HACE1: variants seen among roughly 807,000 people sequenced by gnomAD.
The protein encoded by HACE1 is HECT domain and ankyrin repeat containing E3 ubiquitin protein ligase 1, also known as E3 ubiquitin-protein ligase HACE1.
HACE1 carries 73 observed loss-of-function variants against 118.4 expected under a neutral mutation model. The ratio of observed to expected loss-of-function variants is 0.62; its 90% CI spans 0.51 to 0.75. The LOEUF (loss-of-function observed/expected upper bound fraction) is 0.75. HACE1 is among the 30% of genes least tolerant of loss of function. The pLI is 0.00. For synonymous variants in HACE1, 368 were observed against 374.8 expected (o/e 0.98, Z 0.21); for missense variants, 749 against 1,102.2 (o/e 0.68, Z 4.54).
At chr6:104,745,345 G>A (rs973936656) in intron 20 of HACE1, among the ~76,000 whole-genome samples, 1 of 152,046 alleles carries the variant, frequency 6.6e-6, no homozygotes, top group Non-Finnish European at 1.5e-5. Context: ...AAAAGAGCTT[G>A]TCCACTTCTC....
chr6:104,850,872 G>C, intron 3 of HACE1, 35 bp downstream of exon 3: 1 of 1,230,408 alleles, frequency 8.1e-7, no homozygotes, highest in African/African-American at 1.5e-5. Context: ...CCTTGCCCTA[G>C]ATCAGAGTTT....
chr6:104,736,338 G>C (rs1165529012), intron 22 of HACE1, among the ~76,000 whole-genome samples: 1 of 151,992 alleles, frequency 6.6e-6, no homozygotes, highest in Non-Finnish European at 1.5e-5. Flanking sequence ...CAGCTAGAGT[G>C]CAGTGGTGCA....
In HACE1 at chr6:104,815,085, T is replaced by G. The variant is rs1056391145; in HGVS notation, c.535-3692A>C. Among the ~76,000 whole-genome samples the G allele has an allele frequency of 4.4e-5, 6 of 137,168 alleles. 2 individuals are homozygous for G. Among genetic ancestry groups the G allele is most frequent in the Non-Finnish European group, 9.4e-5 (6 of 63,978 alleles). The allele number at this position is 137,168 out of a possible 152,430, so 90.0% of individuals were successfully genotyped here. A position where few individuals can be genotyped will look rare whatever the true frequency, so the allele number is the denominator to read the frequency against. ...TTTGGAACTGGGTAAGGGGCAGAGG[T>G]TGGAACAGTTTGGAGGGCTCTGAAG... On this transcript the variant is annotated intron_variant, in intron 6 of 23. Coordinates refer to ENST00000262903, the MANE Select transcript of HACE1 (RefSeq NM_020771.4).
intron 21 of HACE1, 22 bp from the exon 22 acceptor site, chr6:104,744,252 T>G (rs761811461): frequency 6.9e-7 from 1 of 1,449,326 alleles, no homozygotes; most frequent in Non-Finnish European, 9.7e-7. Context: ...AACAAAAAAC[T>G]TAGCTCATAT....
At chr6:104,845,623 A>T (rs373159245) in intron 4 of HACE1, 1 of 151,796 alleles carries the variant, frequency 6.6e-6, no homozygotes, top group Non-Finnish European at 1.5e-5. Context: ...GACTACAGGC[A>T]CCCGCCACCA....
At chr6:104,852,403 C>T (rs896085031) in intron 1 of HACE1, 32 bp from the exon 2 acceptor site, 2 of 1,308,392 alleles carry the variant, frequency 1.5e-6, no homozygotes, top group Non-Finnish European at 2.2e-6. Context: ...GTTCATTTAT[C>T]CCCTACTTTG....
intron 7 of HACE1, among the ~76,000 whole-genome samples, chr6:104,807,151 G>A (rs968960793): frequency 2.3e-4 from 35 of 151,800 alleles, no homozygotes; most frequent in African/African-American, 8.2e-4. Flanking sequence ...AGCCTCTGGA[G>A]TAGCTGAGAC....
At chr6:104,760,392 C>T (rs1403073508) in intron 19 of HACE1, among the ~76,000 whole-genome samples, 1 of 152,182 alleles carries the variant, frequency 6.6e-6, no homozygotes, top group Non-Finnish European at 1.5e-5. Flanking sequence ...GCTGGTTCAA[C>T]ATACACAATC....
chr6:104,767,445 C>G (rs1780133742), intron 19 of HACE1, among the ~76,000 whole-genome samples: 1 of 152,256 alleles, frequency 6.6e-6, no homozygotes, highest in South Asian at 2.1e-4. Context: ...CAAAATGCCA[C>G]AGCCTCCTCT....
chr6:104,774,502 A>T (rs1418212577), intron 17 of HACE1, among the ~76,000 whole-genome samples: 1 of 152,034 alleles, frequency 6.6e-6, no homozygotes, highest in African/African-American at 2.4e-5. Flanking sequence ...CTCCTCCCTC[A>T]GCCTACCAAG....
At chr6:104,750,244 T>C in intron 20 of HACE1, 97 bp downstream of exon 20, 1 of 1,021,704 alleles carries the variant, frequency 9.8e-7, no homozygotes, top group Non-Finnish European at 1.5e-6. Context: ...TTATACATTA[T>C]TTCATTCATC....
chr6:104,807,709 A>C (rs1382348544), intron 7 of HACE1, among the ~76,000 whole-genome samples: 5 of 152,172 alleles, frequency 3.3e-5, no homozygotes, highest in African/African-American at 9.7e-5. Flanking sequence ...AGGGGGAAAA[A>C]AAAATCAATG....
intron 6 of HACE1, among the ~76,000 whole-genome samples, chr6:104,822,602 A>T (rs561980127): frequency 2.6e-5 from 4 of 152,082 alleles, no homozygotes; most frequent in South Asian, 4.2e-4. Flanking sequence ...CACACCTGTA[A>T]TCCTAGCACT....
chr6:104,812,272 TTTTTACAAAAACATTAAAAA>T (rs1771705561), intron 6 of HACE1, among the ~76,000 whole-genome samples: 2 of 152,086 alleles, frequency 1.3e-5, no homozygotes, highest in African/African-American at 4.8e-5. Context: ...TGAGACCCCA[TTTTTACAAAAACATTAAAAA>T]ATGAGCTAGT....
At chr6:104,828,417 A>G (rs934220985) in intron 6 of HACE1, among the ~76,000 whole-genome samples, 6 of 152,050 alleles carry the variant, frequency 3.9e-5, no homozygotes, top group African/African-American at 1.4e-4. Flanking sequence ...CAGTAAAATT[A>G]TATCTCCAGT....
At chr6:104,755,532 A>G (rs894729038) in intron 19 of HACE1, among the ~76,000 whole-genome samples, 3 of 152,246 alleles carry the variant, frequency 2.0e-5, no homozygotes, top group African/African-American at 7.2e-5. Flanking sequence ...AATCAGAAGT[A>G]AAACTTTCCT....
chr6:104,858,380 T>C (rs926282672), intron 1 of HACE1: 6 of 232,046 alleles, frequency 2.6e-5, no homozygotes, highest in South Asian at 1.6e-4. Flanking sequence ...GAATTCTAAA[T>C]AGAGACTAGA....
chr6:104,733,678 G>A lies in HACE1; in HGVS notation c.2514-3262C>T, dbSNP rs192523442. ...AGACTGGCCAACATGGTGAAACCCC[G>A]TCTCTACTAAAAATACAAAAATTAG... On this transcript the variant is annotated intron_variant, in intron 22 of 23. Transcript: ENST00000262903. 1.6e-3 allele frequency among the ~76,000 whole-genome samples: 239 copies of A among 149,142 alleles called. 5 individuals are homozygous for A. Among genetic ancestry groups the A allele is most frequent in the Non-Finnish European group, 8.0e-4 (54 of 67,300 alleles).
chr6:104,773,696 T>C (rs1780873501), intron 17 of HACE1, among the ~76,000 whole-genome samples: 1 of 152,032 alleles, frequency 6.6e-6, no homozygotes, highest in African/African-American at 2.4e-5. Flanking sequence ...CTCCCCTAGC[T>C]CTGTGTTTAA....
Sources: allele counts gnomAD v4.1 joint callset (sites outside exome capture counted in the v4.1 genomes callset), GRCh38; gene constraint gnomAD v4.1.1; transcripts MANE v1.5; gene names NCBI Gene and HGNC (gene_info 2026-07-23, HGNC 2026-07-21).